Variants in USP13 observed in about 807,000 individuals in gnomAD.
USP13 encodes ubiquitin specific peptidase 13, also known as ubiquitin carboxyl-terminal hydrolase 13.
USP13 carries 68 observed loss-of-function variants against 107.8 expected under a neutral mutation model. That is an observed-to-expected ratio of 0.63 (90% CI 0.52 to 0.77). The LOEUF (loss-of-function observed/expected upper bound fraction) is 0.77, where lower values mean the gene tolerates loss of function less well. USP13 is among the 30% of genes least tolerant of loss of function. USP13 has a pLI of 0.00. For synonymous variants in USP13, 377 were observed against 389.5 expected (o/e 0.97, Z 0.38); for missense variants, 945 against 1,093.3 (o/e 0.86, Z 1.91).
chr3:179,689,314 G>T (rs1302671623), intron 2 of USP13, among the ~76,000 whole-genome samples: 1 of 152,108 alleles, frequency 6.6e-6, no homozygotes, highest in African/African-American at 2.4e-5. Context: ...ATTACCACTC[G>T]ATGGGCATTT....
chr3:179,704,278 G>A (rs1372418323), intron 4 of USP13, among the ~76,000 whole-genome samples: 3 of 152,162 alleles, frequency 2.0e-5, no homozygotes. Context: ...GTCTTGTTCA[G>A]AATCACAGTG....
intron 2 of USP13, among the ~76,000 whole-genome samples, 153 bp from the exon 3 acceptor site, chr3:179,690,088 G>C (rs1712059868): frequency 6.6e-6 from 1 of 152,144 alleles, no homozygotes; most frequent in African/African-American, 2.4e-5. Flanking sequence ...ATTAACCTGG[G>C]TCAGTTCCCT....
At chr3:179,688,196 T>TCCAC (rs1377522385) in intron 2 of USP13, among the ~76,000 whole-genome samples, 1 of 112,396 alleles carries the variant, frequency 8.9e-6, no homozygotes, top group East Asian at 2.7e-4. Context: ...CATTCATCAA[T>TCCAC]CCATCCATCC....
intron 5 of USP13, 33 bp downstream of exon 5, chr3:179,707,109 C>G (rs778297108): frequency 6.3e-6 from 10 of 1,579,994 alleles, no homozygotes; most frequent in Non-Finnish European, 8.6e-6. Context: ...GAACTTTACT[C>G]CCTAAAACTG....
Position 179,745,090 on chromosome 3 carries a change from A to C in USP13, c.1582A>C (p.Arg528=). 6.2e-7 allele frequency: 1 copy of C among 1,614,228 alleles called. No individual in the cohort carries two copies. The highest frequency in any genetic ancestry group is 8.5e-7 in the Non-Finnish European group (1 of 1,180,048). The part of the protein sequence containing the change: ...ELTRREAEAN[R]RPLPELVRAK... ...AACGAGAAGGGAAGCAGAAGCAAAC[A>C]GAAGACCCCTTCCTGAGTTGGTACG... Residue 528 remains arginine (R), a synonymous_variant, in exon 13 of 21, where the codon AGA becomes CGA. Coordinates refer to ENST00000263966, the MANE Select transcript of USP13 (RefSeq NM_003940.3).
intron 13 of USP13, among the ~76,000 whole-genome samples, chr3:179,750,322 GTGTGTATATATATATATATA>G (rs1217971548): frequency 0.025 from 1,080 of 43,918 alleles, 37 homozygotes; most frequent in South Asian, 0.22. Flanking sequence ...ATATATATAT[GTGTGTATATATATATATATA>G]TATGTATATA....
Position 179,708,871 on chromosome 3 carries a change from G to T in USP13, c.719G>T (p.Gly240Val). 1 of 1,614,102 alleles carries T rather than the reference G, an allele frequency of 6.2e-7. No homozygotes were observed. Among genetic ancestry groups the T allele is most frequent in the South Asian group, 1.1e-5 (1 of 91,082 alleles). Reference protein sequence around the residue: ...LCGKWFFDSSGGNGHALEHYR... With the variant: ...LCGKWFFDSSVGNGHALEHYR... The stretch of plus-strand genomic sequence containing the variant: ...GGAAAGTGGTTCTTTGACAGCTCTG[G>T]GGGCAACGGGCATGCGCTGGAGCAT... Residue 240 changes from glycine (G) to valine (V), a missense_variant, in exon 6 of 21, where the codon GGG becomes GTG. Gly to Val is a moderately radical substitution (Grantham distance 109). Coordinates refer to ENST00000263966, the MANE Select transcript of USP13 (RefSeq NM_003940.3).
At position 179,732,849 on chromosome 3, in the gene USP13, G is replaced by C. The variant is rs1231053230; in HGVS notation, c.1254+2140G>C. ...TCTTCCCCCACTGGATTCGGTGGCT[G>C]TAGTGTAGTAGCTCCTTACATCTCC... On this transcript the variant is annotated intron_variant, in intron 10 of 20. Transcript: ENST00000263966. Among the ~76,000 whole-genome samples, 3 of 152,302 alleles carry C rather than the reference G, an allele frequency of 2.0e-5. No homozygotes were observed. The East Asian group carries it at 5.8e-4, about 29-fold the overall frequency.
At chr3:179,664,052 A>G (rs925307832) in intron 1 of USP13, among the ~76,000 whole-genome samples, 1 of 152,082 alleles carries the variant, frequency 6.6e-6, no homozygotes, top group Non-Finnish European at 1.5e-5. Context: ...ATTAAAAGGA[A>G]AAGAGTAGAG....
chr3:179,762,765 AATTGCCATGTCAT>A (rs1715049697), intron 17 of USP13, among the ~76,000 whole-genome samples: 1 of 152,102 alleles, frequency 6.6e-6, no homozygotes, highest in South Asian at 2.1e-4. Flanking sequence ...TCTTGAGTGG[AATTGCCATGTCAT>A]ATGGTAACTC....
chr3:179,775,893 G>A (rs542901334), intron 19 of USP13, among the ~76,000 whole-genome samples: 11 of 152,254 alleles, frequency 7.2e-5, no homozygotes, highest in Non-Finnish European at 1.3e-4. Context: ...GCAAGCAGAG[G>A]GAGCTGGCTC....
intron 10 of USP13, 67 bp downstream of exon 10, chr3:179,730,776 A>T: frequency 6.8e-7 from 1 of 1,463,950 alleles, no homozygotes; most frequent in South Asian, 1.2e-5. Context: ...TGGGTTTCCT[A>T]TGATTTGGCA....
At chr3:179,689,637 G>A (rs770593716) in intron 2 of USP13, among the ~76,000 whole-genome samples, 3 of 150,564 alleles carry the variant, frequency 2.0e-5, no homozygotes, top group Admixed American at 6.6e-5. Context: ...CAGCCTGGGC[G>A]ACTGTGTGAG....
chr3:179,754,787 G>T lies in USP13; in HGVS notation c.1854G>T (p.Gly618=), dbSNP rs769832387. 25 of 1,613,284 alleles carry T rather than the reference G, an allele frequency of 1.5e-5. No homozygotes were observed. The highest frequency in any genetic ancestry group is 4.5e-5 in the East Asian group (2 of 44,886). The part of the protein sequence containing the change: ...LLDINHLRAR[G]LQPGEEELPD... ...ATATCAACCATCTCCGAGCCAGGGGGTTACAGCCAGGAGAGGAAGAACTTC... is the reference window on the plus strand; with the variant it reads ...ATATCAACCATCTCCGAGCCAGGGGTTTACAGCCAGGAGAGGAAGAACTTC... Residue 618 remains glycine, a synonymous_variant, in exon 15 of 21, where the codon GGG becomes GGT. Transcript: ENST00000263966.
intron 2 of USP13, among the ~76,000 whole-genome samples, chr3:179,689,132 C>A (rs1041657051): frequency 6.6e-6 from 1 of 152,188 alleles, no homozygotes; most frequent in Non-Finnish European, 1.5e-5. Flanking sequence ...GGTCTCGACA[C>A]CTGTGGCTGC....
At position 179,733,561 on chromosome 3, in the gene USP13, A is replaced by G. The variant is rs1424143030; in HGVS notation, c.1254+2852A>G. The stretch of plus-strand genomic sequence containing the variant: ...TTCTCAGTTATCAGAAGCCCTTTGG[A>G]AGGATGGTCCTGTCCCAGGCCTCTG... On this transcript the variant is annotated intron_variant, in intron 10 of 20. Coordinates refer to ENST00000263966, the MANE Select transcript of USP13 (RefSeq NM_003940.3). 2.6e-5 allele frequency among the ~76,000 whole-genome samples: 4 copies of G among 152,256 alleles called. No individual in the cohort carries two copies. In the East Asian group the frequency reaches 7.7e-4, roughly 29 times the overall value.
intron 1 of USP13, among the ~76,000 whole-genome samples, chr3:179,672,738 G>T (rs1386473233): frequency 6.6e-6 from 1 of 152,198 alleles, no homozygotes; most frequent in Admixed American, 6.5e-5. Flanking sequence ...CTTACCGTTT[G>T]ATTATGGGGC....
At chr3:179,743,582 A>G (rs1402865152) in intron 12 of USP13, among the ~76,000 whole-genome samples, 2 of 152,130 alleles carry the variant, frequency 1.3e-5, no homozygotes, top group African/African-American at 2.4e-5. Flanking sequence ...CTTTTGGTGT[A>G]GAAACAAGGG....
At chr3:179,708,149 TAG>T (rs1303955278) in intron 5 of USP13, among the ~76,000 whole-genome samples, 2 of 152,176 alleles carry the variant, frequency 1.3e-5, no homozygotes, top group Non-Finnish European at 2.9e-5. Flanking sequence ...TTGTCCCTCA[TAG>T]AGGAGTTTTA....
Sources: allele counts gnomAD v4.1 joint callset (sites outside exome capture counted in the v4.1 genomes callset), GRCh38; gene constraint gnomAD v4.1.1; transcripts MANE v1.5; gene names NCBI Gene and HGNC (gene_info 2026-07-23, HGNC 2026-07-21).